The following SGCD variants were observed in gnomAD, a reference collection of about 807,000 sequenced individuals.
The protein encoded by SGCD is delta-sarcoglycan.
A neutral mutation model predicts 36.6 loss-of-function variants in SGCD; 18 were observed. That is an observed-to-expected ratio of 0.49 (90% CI 0.34 to 0.73). The LOEUF (loss-of-function observed/expected upper bound fraction) is 0.73. Among genes scored for constraint, SGCD ranks in the 30% least tolerant of loss-of-function variants. The pLI, the probability that SGCD is intolerant of heterozygous loss-of-function variation, is 0.01. For synonymous variants in SGCD, 133 were observed against 130.6 expected (o/e 1.02, Z -0.12); for missense variants, 387 against 346.7 (o/e 1.12, Z -0.92).
chr5:156,014,314 T>C (rs1758919865), intron 1 of SGCD, among the ~76,000 whole-genome samples: 1 of 152,128 alleles, frequency 6.6e-6, no homozygotes, highest in Non-Finnish European at 1.5e-5. Flanking sequence ...AACTTTTATT[T>C]TGAAATAATT....
intron 3 of SGCD, among the ~76,000 whole-genome samples, chr5:156,495,936 G>C (rs552851774): frequency 6.6e-6 from 1 of 152,238 alleles, no homozygotes; most frequent in South Asian, 2.1e-4. Context: ...ACAATGTGCT[G>C]GCATTGGTTT....
chr5:156,482,824 T>TG (rs773815436), intron 3 of SGCD, among the ~76,000 whole-genome samples: 7 of 144,668 alleles, frequency 4.8e-5, no homozygotes, highest in Non-Finnish European at 1.1e-4. Flanking sequence ...TTTTTTTTTT[T>TG]TTTTTTTTTT....
intron 3 of SGCD, among the ~76,000 whole-genome samples, chr5:156,372,848 G>A (rs1431784255): frequency 6.6e-6 from 1 of 151,692 alleles, no homozygotes; most frequent in Non-Finnish European, 1.5e-5. Flanking sequence ...ATGTCTTTCA[G>A]GATCAAGGAG....
chr5:155,810,895 G>A, the SGCD span, among the ~76,000 whole-genome samples: 1 of 108,176 alleles, frequency 9.2e-6, no homozygotes, highest in African/African-American at 3.7e-5. Flanking sequence ...TCGGCTCACT[G>A]CAAGCTCCGC....
At chr5:156,084,577 T>A (rs1761049068) in intron 1 of SGCD, among the ~76,000 whole-genome samples, 1 of 124,826 alleles carries the variant, frequency 8.0e-6, no homozygotes, top group African/African-American at 3.2e-5. Context: ...AACTCATATA[T>A]TCTAAGATTT....
intron 1 of SGCD, among the ~76,000 whole-genome samples, chr5:155,976,894 T>C (rs1324819239): frequency 6.6e-6 from 1 of 152,184 alleles, no homozygotes; most frequent in Non-Finnish European, 1.5e-5. Context: ...CCATTGTCTT[T>C]CACTGTTGCC....
intron 7 of SGCD, among the ~76,000 whole-genome samples, chr5:156,693,026 C>CACA (rs1290534344): frequency 1.3e-5 from 2 of 152,288 alleles, no homozygotes; most frequent in East Asian, 1.9e-4. Context: ...CAAACTGAGG[C>CACA]ACATGTACTA....
the SGCD span, among the ~76,000 whole-genome samples, chr5:155,739,895 A>G: frequency 6.6e-6 from 1 of 152,136 alleles, no homozygotes; most frequent in African/African-American, 2.4e-5. Flanking sequence ...TCATTTTAAT[A>G]CCATTTATTT....
At chr5:155,852,561 G>A in the SGCD span, among the ~76,000 whole-genome samples, 1 of 152,062 alleles carries the variant, frequency 6.6e-6, no homozygotes. Flanking sequence ...AGTGCTACAT[G>A]TCAAAGAAGT....
chr5:156,541,134 T>A (rs532926870), intron 4 of SGCD, among the ~76,000 whole-genome samples: 1 of 152,248 alleles, frequency 6.6e-6, no homozygotes, highest in East Asian at 1.9e-4. Flanking sequence ...GCAAAGCACT[T>A]GCTGTCTATG....
rs1031680530 is a variant in SGCD, at chr5:156,728,510, A to G, written c.576-29071A>G. On this transcript the variant is annotated intron_variant, in intron 7 of 8. Transcript: ENST00000337851. ...TGGGTGACAGAGCGAGACTCTGTCA[A>G]AAAAAAAAAAAAAAAAAAAAAAAAA... Among the ~76,000 whole-genome samples the G allele has an allele frequency of 3.4e-4, 41 of 120,562 alleles. 1 individual carries two copies. The highest frequency in any genetic ancestry group is 1.9e-3 in the African/African-American group (41 of 21,784). The allele number at this position is 120,562 out of a possible 152,430, so 79.1% of individuals were successfully genotyped here. A position where few individuals can be genotyped will look rare whatever the true frequency, so the allele number is the denominator to read the frequency against.
At chr5:155,896,838 T>C (rs1012360814) in intron 1 of SGCD, among the ~76,000 whole-genome samples, 1 of 152,204 alleles carries the variant, frequency 6.6e-6, no homozygotes. Flanking sequence ...CACAAATTTA[T>C]GTTTGGAAAA....
intron 1 of SGCD, among the ~76,000 whole-genome samples, chr5:156,086,085 G>A (rs1481177278): frequency 6.6e-6 from 1 of 152,172 alleles, no homozygotes; most frequent in Non-Finnish European, 1.5e-5. Flanking sequence ...ACTTATGACA[G>A]TGTACTGTTA....
chr5:156,388,662 G>A (rs1771406989), intron 3 of SGCD, among the ~76,000 whole-genome samples: 1 of 152,188 alleles, frequency 6.6e-6, no homozygotes, highest in Non-Finnish European at 1.5e-5. Flanking sequence ...AATTAGACCA[G>A]TTCTTCCAAC....
intron 2 of SGCD, among the ~76,000 whole-genome samples, chr5:156,336,355 G>C (rs1406385461): frequency 1.3e-5 from 2 of 152,156 alleles, no homozygotes; most frequent in African/African-American, 4.8e-5. Flanking sequence ...CCTCAGCACT[G>C]TTCCCTTCTG....
At chr5:156,068,570 C>T (rs1192191585) in intron 1 of SGCD, among the ~76,000 whole-genome samples, 1 of 151,730 alleles carries the variant, frequency 6.6e-6, no homozygotes, top group African/African-American at 2.4e-5. Flanking sequence ...GTGAATAGTG[C>T]CGCAGTATAC....
intron 7 of SGCD, among the ~76,000 whole-genome samples, chr5:156,716,035 G>A (rs188230097): frequency 3.3e-5 from 5 of 152,230 alleles, no homozygotes; most frequent in East Asian, 3.9e-4. Context: ...GTGTATTGCC[G>A]AAACTATATT....
intron 3 of SGCD, among the ~76,000 whole-genome samples, chr5:156,255,537 T>A (rs1765693223): frequency 1.3e-5 from 2 of 152,202 alleles, no homozygotes; most frequent in Non-Finnish European, 2.9e-5. Context: ...CCTGTTCTTG[T>A]GTTTTGTGTT....
the SGCD span, among the ~76,000 whole-genome samples, chr5:155,856,177 T>C: frequency 1.3e-4 from 20 of 152,230 alleles, no homozygotes; most frequent in African/African-American, 4.6e-4. Flanking sequence ...TACATATACA[T>C]ATATACGTAC....
Sources: gnomAD v4.1 joint callset for allele counts (sites outside exome capture counted in the v4.1 genomes callset) on GRCh38, gnomAD v4.1.1 for gene constraint, MANE v1.5 for transcripts, NCBI Gene and HGNC (gene_info 2026-07-23, HGNC 2026-07-21) for gene names.